Variants in ACBD6 observed in about 807,000 individuals in gnomAD.
ACBD6 encodes acyl-CoA binding domain containing 6.
ACBD6 carries 28 observed loss-of-function variants against 37.2 expected under a neutral mutation model. That is an observed-to-expected ratio of 0.75 (90% CI 0.56 to 1.03). ACBD6 has a LOEUF of 1.03. Among genes scored for constraint, ACBD6 ranks in the 50% least tolerant of loss-of-function variants. The probability of loss-of-function intolerance (pLI) is 0.00; values close to 1 mark genes in which losing one functional copy is unlikely to be tolerated. For synonymous variants in ACBD6, 113 were observed against 126.8 expected (o/e 0.89, Z 0.73); for missense variants, 340 against 337.4 (o/e 1.01, Z -0.06).
intron 6 of ACBD6, among the ~76,000 whole-genome samples, chr1:180,376,909 G>A (rs1653459009): frequency 6.6e-6 from 1 of 152,110 alleles, no homozygotes; most frequent in Admixed American, 6.5e-5. Flanking sequence ...ACCCACAAAT[G>A]AACCTGACCT....
intron 5 of ACBD6, among the ~76,000 whole-genome samples, chr1:180,402,306 C>A (rs1647405710): frequency 1.3e-5 from 2 of 152,118 alleles, no homozygotes; most frequent in Admixed American, 6.5e-5. Context: ...GAAAGATAGT[C>A]TAACATCTCA....
chr1:180,411,084 G>A (rs1647835821), intron 5 of ACBD6, among the ~76,000 whole-genome samples: 1 of 152,216 alleles, frequency 6.6e-6, no homozygotes, highest in South Asian at 2.1e-4. Flanking sequence ...GTAACTGCAA[G>A]AGAACTAAAA....
chr1:180,477,366 A>G (rs1371983631), intron 3 of ACBD6, among the ~76,000 whole-genome samples: 1 of 152,206 alleles, frequency 6.6e-6, no homozygotes, highest in African/African-American at 2.4e-5. Context: ...GAGCATACAC[A>G]CAAGCATTAA....
intron 7 of ACBD6, among the ~76,000 whole-genome samples, chr1:180,296,849 AGGCGCAGT>A (rs754910526): frequency 1.3e-5 from 2 of 151,340 alleles, no homozygotes; most frequent in Admixed American, 6.6e-5. Context: ...ACTCTCAGCC[AGGCGCAGT>A]GGCTCACGCC....
At chr1:180,325,750 G>A (rs1040164775) in intron 6 of ACBD6, among the ~76,000 whole-genome samples, 3 of 152,162 alleles carry the variant, frequency 2.0e-5, no homozygotes, top group Admixed American at 6.5e-5. Flanking sequence ...GTCCCAAGCC[G>A]AATAACACTG....
At chr1:180,461,977 T>C (rs1227099975) in intron 3 of ACBD6, among the ~76,000 whole-genome samples, 1 of 152,174 alleles carries the variant, frequency 6.6e-6, no homozygotes, top group Non-Finnish European at 1.5e-5. Flanking sequence ...GGCTCACACT[T>C]GTAATCCAAA....
At chr1:180,484,909 C>CA (rs1277928787) in intron 3 of ACBD6, among the ~76,000 whole-genome samples, 1 of 151,700 alleles carries the variant, frequency 6.6e-6, no homozygotes, top group Non-Finnish European at 1.5e-5. Flanking sequence ...ACTAAAAATA[C>CA]AAAAATTAGC....
chr1:180,463,862 T>G (rs947395659), intron 3 of ACBD6, among the ~76,000 whole-genome samples: 1 of 152,170 alleles, frequency 6.6e-6, no homozygotes, highest in African/African-American at 2.4e-5. Flanking sequence ...TCCACCATGA[T>G]CAAGTAGGCT....
intron 4 of ACBD6, among the ~76,000 whole-genome samples, chr1:180,423,750 T>C (rs999362756): frequency 6.6e-6 from 1 of 152,172 alleles, no homozygotes; most frequent in Non-Finnish European, 1.5e-5. Context: ...CAAACTTGAC[T>C]GAAAATTTCT....
intron 6 of ACBD6, among the ~76,000 whole-genome samples, chr1:180,340,081 G>A (rs1169409655): frequency 6.6e-6 from 1 of 152,158 alleles, no homozygotes; most frequent in African/African-American, 2.4e-5. Context: ...GAACTGAGAG[G>A]AGGCCAGTGT....
chr1:180,410,734 T>C (rs1435034437), intron 5 of ACBD6, among the ~76,000 whole-genome samples: 1 of 152,210 alleles, frequency 6.6e-6, no homozygotes, highest in Non-Finnish European at 1.5e-5. Context: ...AGAGTGCTCA[T>C]GGAAATGTAT....
chr1:180,357,894 T>C (rs746983456), intron 6 of ACBD6, among the ~76,000 whole-genome samples: 1 of 152,216 alleles, frequency 6.6e-6, no homozygotes, highest in Non-Finnish European at 1.5e-5. Flanking sequence ...AATTCTTTGG[T>C]CGTTCATATT....
intron 6 of ACBD6, among the ~76,000 whole-genome samples, chr1:180,343,036 T>A (rs1030796139): frequency 1.3e-5 from 2 of 152,110 alleles, no homozygotes; most frequent in Non-Finnish European, 2.9e-5. Flanking sequence ...ATGAAGTTGT[T>A]ATAAACAGCA....
intron 5 of ACBD6, among the ~76,000 whole-genome samples, chr1:180,400,834 C>T (rs985426158): frequency 2.0e-5 from 3 of 152,230 alleles, no homozygotes; most frequent in Admixed American, 2.0e-4. Context: ...TAGACCACTA[C>T]AATTATTAAA....
chr1:180,396,267 A>C (rs529014554), intron 6 of ACBD6, among the ~76,000 whole-genome samples: 1 of 152,296 alleles, frequency 6.6e-6, no homozygotes, highest in Admixed American at 6.5e-5. Context: ...CCACATAACT[A>C]TACACTTAAA....
downstream of ACBD6, among the ~76,000 whole-genome samples, chr1:180,284,026 C>T (rs759046323): frequency 2.6e-5 from 4 of 152,062 alleles, no homozygotes; most frequent in Admixed American, 6.5e-5. Flanking sequence ...ATGATTCATG[C>T]GAAGTGATCC....
intron 3 of ACBD6, among the ~76,000 whole-genome samples, chr1:180,450,818 C>T (rs1261272093): frequency 3.9e-5 from 6 of 152,022 alleles, no homozygotes; most frequent in Non-Finnish European, 5.9e-5. Context: ...AACTGAACAT[C>T]GTCTATGTGG....
chr1:180,274,717 C>T (rs1648923105), exon 10 of ACBD6: 2 of 1,060,212 alleles, frequency 1.9e-6, no homozygotes, highest in Non-Finnish European at 2.7e-6. Context: ...TCCGCTGATT[C>T]CTAGAAGGCT....
chr1:180,475,751 C>G (rs2102063437), intron 3 of ACBD6, among the ~76,000 whole-genome samples: 1 of 152,178 alleles, frequency 6.6e-6, no homozygotes, highest in East Asian at 1.9e-4. Context: ...TAGCCTTCTC[C>G]TGTTGATGGA....
Sources: gnomAD v4.1 joint callset for allele counts (sites outside exome capture counted in the v4.1 genomes callset) on GRCh38, gnomAD v4.1.1 for gene constraint, MANE v1.5 for transcripts, NCBI Gene and HGNC (gene_info 2026-07-23, HGNC 2026-07-21) for gene names.